The following LITAF variants were observed in gnomAD, a reference collection of about 807,000 sequenced individuals.
LITAF encodes the protein lipopolysaccharide-induced tumor necrosis factor-alpha factor.
LITAF carries 9 observed loss-of-function variants against 14.5 expected under a neutral mutation model. The observed-to-expected ratio is 0.62, with a 90% CI of 0.37 to 1.08. LITAF has a LOEUF of 1.08. LITAF is among the 50% of genes least tolerant of loss of function. The pLI is 0.01. For synonymous variants in LITAF, 98 were observed against 88.2 expected, an observed-to-expected ratio of 1.11 and a Z score of -0.62; for missense variants, 206 against 213.4, an observed-to-expected ratio of 0.97 and a Z score of 0.22.
Position 11,558,108 on chromosome 16 carries a change from C to A in LITAF, c.-5-1373G>T, listed in dbSNP as rs2064303227. Among the ~76,000 whole-genome samples the A allele has an allele frequency of 6.6e-6, 1 of 152,184 alleles. No homozygotes were observed. The highest frequency in any genetic ancestry group is 2.1e-4 in the South Asian group (1 of 4,832). The stretch of plus-strand genomic sequence containing the variant: ...GGGCAGCGAGCCACAACCACCACTC[C>A]CCTCTCCCGACACTGTCTGCCTCAT... On this transcript the variant is annotated intron_variant, in intron 1 of 3. Transcript: ENST00000622633. This position sits in a 1 kb window ranked among gnomAD's most constrained non-coding sequence, Gnocchi z 4.1.
chr16:11,561,038 G>C (rs181524936), intron 1 of LITAF: 2 of 152,298 alleles, frequency 1.3e-5, no homozygotes, highest in Admixed American at 1.3e-4. Context: ...AGGGCACCCT[G>C]GGGGTCTGGA....
chr16:11,597,469 AAT>A, intron 1 of LITAF, among the ~76,000 whole-genome samples: 1 of 152,284 alleles, frequency 6.6e-6, no homozygotes, highest in East Asian at 1.9e-4. Context: ...CTATAAGGGA[AAT>A]ATTATCATCT....
At chr16:11,602,342 T>C (rs1217183954), upstream of LITAF, among the ~76,000 whole-genome samples, 1 of 152,090 alleles carries the variant, frequency 6.6e-6, no homozygotes, top group Non-Finnish European at 1.5e-5. Flanking sequence ...GGTGATAGAA[T>C]GAGACCCCGT....
chr16:11,604,920 G>A (rs1478804134), intron 3 of LITAF, among the ~76,000 whole-genome samples: 1 of 152,164 alleles, frequency 6.6e-6, no homozygotes, highest in Non-Finnish European at 1.5e-5. Flanking sequence ...GGAACTGCCT[G>A]CTCAGTGTAA....
intron 1 of LITAF, among the ~76,000 whole-genome samples, chr16:11,565,122 G>A (rs11644278): frequency 0.091 from 13,159 of 144,830 alleles, 600 homozygotes; most frequent in Middle Eastern, 0.13. Context: ...TCGCTCCGTC[G>A]CTCAGGCTGG....
chr16:11,616,385 G>C (rs1263020998), intron 3 of LITAF, among the ~76,000 whole-genome samples: 1 of 152,020 alleles, frequency 6.6e-6, no homozygotes, highest in South Asian at 2.1e-4. Context: ...GCTGAGGTGG[G>C]AGGATTGCTT....
chr16:11,600,835 C>A (rs935106193), upstream of LITAF, among the ~76,000 whole-genome samples: 1 of 152,118 alleles, frequency 6.6e-6, no homozygotes, highest in African/African-American at 2.4e-5. This position sits in a 1 kb window ranked among gnomAD's most constrained non-coding sequence, Gnocchi z 4.1. Context: ...CAATAAAATT[C>A]TTCCCCACCC....
intron 1 of LITAF, among the ~76,000 whole-genome samples, chr16:11,565,465 G>A (rs1346431123): frequency 1.4e-5 from 2 of 147,152 alleles, no homozygotes; most frequent in East Asian, 4.0e-4. Context: ...GGGGGGAGGT[G>A]CGGGGAGGAG....
rs139116481 is a variant in LITAF, at chr16:11,553,580, G to A, written c.330C>T (p.Asn110=). The A allele has an allele frequency of 9.2e-4, 1,481 of 1,614,178 alleles. 6 individuals carry two copies. Among genetic ancestry groups the A allele is most frequent in the East Asian group, 1.1e-3 (51 of 44,888 alleles). Residue 110 remains asparagine, a synonymous_variant, in exon 3 of 4, where the codon AAC becomes AAT. Transcript: ENST00000622633. This position sits in a 1 kb window ranked among gnomAD's most constrained non-coding sequence, Gnocchi z 7.7. The part of the protein sequence containing the change: ...NKMIVSQLSY[N]AGALTWLSCG... ...AGGACAGCCAGGTCAGAGCACCGGCGTTATAGGACAGCTGACTCACGATCA... is the reference window on the plus strand; with the variant it reads ...AGGACAGCCAGGTCAGAGCACCGGCATTATAGGACAGCTGACTCACGATCA...
intron 2 of LITAF, among the ~76,000 whole-genome samples, chr16:11,633,964 G>C (rs2065128837): frequency 6.6e-6 from 1 of 152,152 alleles, no homozygotes; most frequent in East Asian, 1.9e-4. Flanking sequence ...TGGAACATAG[G>C]AAGTGCCACA....
At position 11,553,876 on chromosome 16, in the gene LITAF, G is replaced by A. The variant is rs769155250; in HGVS notation, c.221-187C>T. 4.1e-4 allele frequency: 253 copies of A among 623,338 alleles called. No homozygotes were observed. The highest frequency in any genetic ancestry group is 2.4e-3 in the East Asian group (81 of 34,358). The allele number at this position is 623,338 out of a possible 1,614,324, so 38.6% of individuals were successfully genotyped here. A position where few individuals can be genotyped will look rare whatever the true frequency, so the allele number is the denominator to read the frequency against. ...AGGGGAAGGAACACCAGTGTCCATC[G>A]ACGGACCAATAAACTAACACAGCGA... On this transcript the variant is annotated intron_variant, in intron 2 of 3. Transcript: ENST00000622633. The surrounding 1 kb of genome is among the most constrained non-coding windows in gnomAD (Gnocchi z 7.7).
intron 1 of LITAF, among the ~76,000 whole-genome samples, chr16:11,571,128 T>C (rs1272089485): frequency 1.3e-5 from 2 of 152,082 alleles, no homozygotes; most frequent in African/African-American, 4.8e-5. Flanking sequence ...AGTGTAGTAG[T>C]GCGATCTCAG....
chr16:11,603,583 C>A lies in LITAF; in HGVS notation c.85+29950G>T, dbSNP rs372166585. 2.7e-4 allele frequency among the ~76,000 whole-genome samples: 41 copies of A among 152,372 alleles called. 1 individual carries two copies. In the East Asian group the frequency reaches 7.7e-3, roughly 29 times the overall value. On this transcript the variant is annotated intron_variant, in intron 3 of 3. Transcript: ENST00000574848. Reference sequence around the variant, plus strand: ...GCTGGAAACGCCCTGGGGGACACAGCTGCCTGGCAAGGTTTCCTAGCAGAC... The same window carrying A: ...GCTGGAAACGCCCTGGGGGACACAGATGCCTGGCAAGGTTTCCTAGCAGAC...
intron 1 of LITAF, among the ~76,000 whole-genome samples, chr16:11,577,677 A>C (rs2064662944): frequency 6.6e-6 from 1 of 151,974 alleles, no homozygotes; most frequent in Non-Finnish European, 1.5e-5. Flanking sequence ...AATTCCAAAT[A>C]GTATGAGTAG....
chr16:11,602,745 C>T (rs911037339), upstream of LITAF, among the ~76,000 whole-genome samples: 1 of 138,534 alleles, frequency 7.2e-6, no homozygotes, highest in African/African-American at 2.7e-5. Flanking sequence ...ATCTATTGTT[C>T]ACTGTGGCTT....
At chr16:11,626,506 G>C (rs1393659496) in intron 3 of LITAF, among the ~76,000 whole-genome samples, 1 of 152,186 alleles carries the variant, frequency 6.6e-6, no homozygotes, top group Non-Finnish European at 1.5e-5. Context: ...ACCATGCCTG[G>C]TTAATTTTTG....
At chr16:11,615,853 T>C (rs1807519323) in intron 3 of LITAF, among the ~76,000 whole-genome samples, 1 of 152,146 alleles carries the variant, frequency 6.6e-6, no homozygotes, top group African/African-American at 2.4e-5. Context: ...TGACTCAAGA[T>C]GACTCAGTGT....
rs1308260388 is a variant in LITAF, at chr16:11,549,309, G to GC, written c.*327dup. 4.4e-6 allele frequency: 2 copies of GC among 450,856 alleles called. No individual in the cohort carries two copies. The highest frequency in any genetic ancestry group is 8.9e-6 in the Non-Finnish European group (2 of 223,988). The allele number at this position is 450,856 out of a possible 1,614,324, so 27.9% of individuals were successfully genotyped here. On this transcript the variant is annotated 3_prime_UTR_variant, in exon 4 of 4. Coordinates refer to ENST00000622633, the MANE Select transcript of LITAF (RefSeq NM_001136472.2). This position sits in a 1 kb window ranked among gnomAD's most constrained non-coding sequence, Gnocchi z 4.6. ...AGGCCCATGGAAGCAGGAAAAAAGA[G>GC]CCACTGATGGCAGATCACAGGAAGA...
chr16:11,590,706 G>A (rs2064841733), upstream of LITAF, among the ~76,000 whole-genome samples: 1 of 117,544 alleles, frequency 8.5e-6, no homozygotes, highest in Non-Finnish European at 1.7e-5. Flanking sequence ...CTGATGTACG[G>A]GTCCAATGTA....
Sources: gnomAD v4.1 joint callset for allele counts (sites outside exome capture counted in the v4.1 genomes callset) on GRCh38, gnomAD v4.1.1 for gene constraint, Gnocchi (gnomAD v3.1) non-coding constraint, MANE v1.5 for transcripts, NCBI Gene and HGNC (gene_info 2026-07-23, HGNC 2026-07-21) for gene names.